Variants in TPRX2 observed in about 807,000 individuals in gnomAD.
The protein encoded by TPRX2 is tetrapeptide repeat homeobox protein 2.
At chr19:47,861,281 G>A in the TPRX2 span, 1 of 498,672 alleles carries the variant, frequency 2.0e-6, no homozygotes, top group South Asian at 1.5e-5. Context: ...GAACCCTGAT[G>A]CCAGGCCCAG....
chr19:47,861,461 T>A, the TPRX2 span: 1 of 943,932 alleles, frequency 1.1e-6, no homozygotes, highest in South Asian at 1.3e-5. Context: ...AAGAGGAGGA[T>A]GGCTTCGTGG....
At chr19:47,859,753 G>C in the TPRX2 span, among the ~76,000 whole-genome samples, 1 of 150,334 alleles carries the variant, frequency 6.7e-6, no homozygotes, top group African/African-American at 2.4e-5. Flanking sequence ...ATGCAGTTGA[G>C]TGGAGCAGAG....
the TPRX2 span, chr19:47,861,017 AC>A: frequency 1.0e-6 from 1 of 978,076 alleles, no homozygotes; most frequent in Non-Finnish European, 1.6e-6. Flanking sequence ...CAGCAGCAGA[AC>A]CGAAGATCTA....
chr19:47,860,862 C>T, the TPRX2 span: 1 of 1,533,522 alleles, frequency 6.5e-7, no homozygotes, highest in Non-Finnish European at 8.7e-7. Flanking sequence ...GCAGCAGCCC[C>T]AGCGCGTCCC....
the TPRX2 span, chr19:47,860,873 T>C: frequency 2.6e-6 from 4 of 1,533,950 alleles, no homozygotes; most frequent in African/African-American, 1.4e-5. Flanking sequence ...AGCGCGTCCC[T>C]GGGCAGAGAG....
chr19:47,861,273 A>T, the TPRX2 span: 1 of 506,582 alleles, frequency 2.0e-6, no homozygotes, highest in African/African-American at 1.9e-5. Context: ...CCTAGGCCGA[A>T]CCCTGATGCC....
the TPRX2 span, among the ~76,000 whole-genome samples, chr19:47,859,871 C>T: frequency 1.3e-5 from 2 of 150,728 alleles, no homozygotes; most frequent in African/African-American, 4.8e-5. Context: ...GCAGCCCCGT[C>T]TGCTCCGAGG....
the TPRX2 span, among the ~76,000 whole-genome samples, chr19:47,860,455 A>G: frequency 1.3e-5 from 2 of 150,822 alleles, no homozygotes; most frequent in Non-Finnish European, 3.0e-5. Context: ...ATGCTAGCCC[A>G]AACTCGCCCA....
At chr19:47,860,706 C>T in the TPRX2 span, 3 of 1,395,092 alleles carry the variant, frequency 2.2e-6, no homozygotes, top group African/African-American at 1.4e-5. Context: ...GGGTGAACAC[C>T]GGGAGAGTTT....
At chr19:47,861,224 A>AGCCC in the TPRX2 span, 5 of 579,044 alleles carry the variant, frequency 8.6e-6, no homozygotes, top group Non-Finnish European at 1.6e-5. Context: ...GTCCAATACC[A>AGCCC]GCCCCCATCT....
At chr19:47,861,235 C>T in the TPRX2 span, 2 of 560,836 alleles carry the variant, frequency 3.6e-6, no homozygotes, top group African/African-American at 1.9e-5. Flanking sequence ...GCCCCCATCT[C>T]TTGCCCAGGC....
At chr19:47,860,922 G>A in the TPRX2 span, 25 of 1,522,902 alleles carry the variant, frequency 1.6e-5, no homozygotes, top group Non-Finnish European at 2.2e-5. Context: ...CCCTGTAGCC[G>A]CTGCCTCCTT....
At chr19:47,860,400 C>T in the TPRX2 span, 14 of 684,206 alleles carry the variant, frequency 2.0e-5, no homozygotes, top group Admixed American at 4.6e-5. Context: ...CAAGGGGTCC[C>T]GCCAGTGTAG....
chr19:47,861,091 C>T, the TPRX2 span: 3 of 715,226 alleles, frequency 4.2e-6, no homozygotes, highest in South Asian at 1.5e-5. Context: ...AAGGCTGTCC[C>T]GGCTCCAGGC....
At chr19:47,860,923 C>T in the TPRX2 span, 6 of 1,524,102 alleles carry the variant, frequency 3.9e-6, no homozygotes, top group Non-Finnish European at 5.3e-6. Flanking sequence ...CCTGTAGCCG[C>T]TGCCTCCTTC....
At chr19:47,861,306 C>G in the TPRX2 span, 1 of 484,808 alleles carries the variant, frequency 2.1e-6, no homozygotes, top group African/African-American at 2.0e-5. Context: ...ACTCCCAACC[C>G]CAGCCCCAGG....
chr19:47,861,355 C>T, the TPRX2 span: 15 of 472,234 alleles, frequency 3.2e-5, no homozygotes, highest in East Asian at 6.7e-5. Flanking sequence ...TCCAACTTGT[C>T]GCCAGACACC....
At chr19:47,861,524 C>T in the TPRX2 span, 21 of 1,322,912 alleles carry the variant, frequency 1.6e-5, no homozygotes, top group Non-Finnish European at 2.1e-5. Flanking sequence ...GGGCCTGTGC[C>T]TGCAAAGTTC....
the TPRX2 span, chr19:47,861,211 C>T: frequency 1.6e-6 from 1 of 606,722 alleles, no homozygotes; most frequent in South Asian, 1.5e-5. Context: ...GTCTCGATCC[C>T]CGGTCCAATA....
Sources: allele counts gnomAD v4.1 joint callset (sites outside exome capture counted in the v4.1 genomes callset), GRCh38; gene constraint gnomAD v4.1.1; transcripts MANE v1.5; gene names NCBI Gene and HGNC (gene_info 2026-07-23, HGNC 2026-07-21).